Variants in OSBPL10 observed in about 807,000 individuals in gnomAD.
OSBPL10 encodes the protein oxysterol-binding protein-related protein 10.
A neutral mutation model predicts 81.7 loss-of-function variants in OSBPL10; 49 were observed. That is an observed-to-expected ratio of 0.60 (90% CI 0.48 to 0.76). The LOEUF (loss-of-function observed/expected upper bound fraction) is 0.76. Among genes scored for constraint, OSBPL10 ranks in the 30% least tolerant of loss-of-function variants. The probability of loss-of-function intolerance (pLI) is 0.00; values close to 1 mark genes in which losing one functional copy is unlikely to be tolerated. For synonymous variants in OSBPL10, 419 were observed against 383.6 expected, an observed-to-expected ratio of 1.09 and a Z score of -1.08; for missense variants, 923 against 987.8, an observed-to-expected ratio of 0.93 and a Z score of 0.88.
upstream of OSBPL10, among the ~76,000 whole-genome samples, chr3:31,984,897 A>C (rs1196530691): frequency 6.6e-6 from 1 of 152,108 alleles, no homozygotes; most frequent in African/African-American, 2.4e-5. Flanking sequence ...GCTATGTCGA[A>C]TTTTTTTTAC....
chr3:31,956,709 C>T (rs1698018788), intron 1 of OSBPL10, among the ~76,000 whole-genome samples: 1 of 151,422 alleles, frequency 6.6e-6, no homozygotes, highest in Non-Finnish European at 1.5e-5. Flanking sequence ...ACCTGGGCGA[C>T]AAGAGCGAAA....
At chr3:31,911,630 A>T (rs1294781487) in intron 1 of OSBPL10, among the ~76,000 whole-genome samples, 1 of 152,134 alleles carries the variant, frequency 6.6e-6, no homozygotes, top group Non-Finnish European at 1.5e-5. Context: ...AAATCTCAAA[A>T]AAAAAAAAAC....
intron 3 of OSBPL10, among the ~76,000 whole-genome samples, chr3:31,875,033 C>A (rs1197900341): frequency 1.6e-5 from 2 of 127,540 alleles, no homozygotes; most frequent in African/African-American, 6.1e-5. Context: ...AAAAGGAGTG[C>A]AAGTAAATCC....
chr3:31,940,204 A>C (rs1489515068), intron 1 of OSBPL10, among the ~76,000 whole-genome samples: 1 of 152,242 alleles, frequency 6.6e-6, no homozygotes, highest in African/African-American at 2.4e-5. Context: ...GTATAAGCAA[A>C]CTGGGTGAAC....
intron 2 of OSBPL10, among the ~76,000 whole-genome samples, chr3:32,040,013 A>G (rs559810518): frequency 7.9e-5 from 12 of 152,348 alleles, no homozygotes; most frequent in Admixed American, 7.2e-4. Flanking sequence ...TTTGTGTTTT[A>G]AGGGCCTGAG....
At chr3:31,848,069 G>A (rs756205257) in intron 3 of OSBPL10, among the ~76,000 whole-genome samples, 1 of 152,106 alleles carries the variant, frequency 6.6e-6, no homozygotes, top group Non-Finnish European at 1.5e-5. Context: ...CCTGGGAAAG[G>A]CAAAGTCACA....
At chr3:31,998,020 T>C (rs1296162337) in intron 2 of OSBPL10, among the ~76,000 whole-genome samples, 1 of 152,090 alleles carries the variant, frequency 6.6e-6, no homozygotes, top group Non-Finnish European at 1.5e-5. Context: ...CTCAGACTCC[T>C]GAGCTCAAGC....
At chr3:32,034,713 A>ATGTCAGTCAAGATATTG (rs1327351296) in intron 2 of OSBPL10, among the ~76,000 whole-genome samples, 1 of 152,196 alleles carries the variant, frequency 6.6e-6, no homozygotes, top group Non-Finnish European at 1.5e-5. Context: ...CAGTGAGTCA[A>ATGTCAGTCAAGATATTG]TGTCAGTCAA....
chr3:31,901,417 C>T lies in OSBPL10; in HGVS notation c.282-21587G>A, dbSNP rs148556348. 2.6e-3 allele frequency among the ~76,000 whole-genome samples: 395 copies of T among 152,342 alleles called. 6 individuals carry two copies. The highest frequency in any genetic ancestry group is 8.9e-3 in the African/African-American group (372 of 41,574). On this transcript the variant is annotated intron_variant, in intron 1 of 11. Transcript: ENST00000396556. ...AGTGGCCATCTTCCCAATGCCCCCA[C>T]TTTCCTGCCTCAGAACACTCACCTA... is the stretch of plus-strand genomic sequence containing the variant.
At chr3:31,981,612 T>C (rs570377645), upstream of OSBPL10, among the ~76,000 whole-genome samples, 13 of 152,110 alleles carry the variant, frequency 8.5e-5, no homozygotes, top group South Asian at 2.7e-3. This position sits in a 1 kb window ranked among gnomAD's most constrained non-coding sequence, Gnocchi z 4.5. Flanking sequence ...TGCCACCCTC[T>C]CTTGGATCCG....
intron 4 of OSBPL10, among the ~76,000 whole-genome samples, chr3:31,827,682 G>GT (rs1164972479): frequency 6.6e-6 from 1 of 151,678 alleles, no homozygotes; most frequent in Non-Finnish European, 1.5e-5. Context: ...AGATTTTTAC[G>GT]TATCTACATC....
At chr3:31,734,518 G>C (rs1460767520) in intron 5 of OSBPL10, among the ~76,000 whole-genome samples, 1 of 152,034 alleles carries the variant, frequency 6.6e-6, no homozygotes, top group Non-Finnish European at 1.5e-5. Context: ...CAGAAGGATC[G>C]CTTGAGCCCA....
At chr3:32,028,894 T>A (rs900026115) in intron 2 of OSBPL10, among the ~76,000 whole-genome samples, 2 of 136,988 alleles carry the variant, frequency 1.5e-5, no homozygotes, top group Non-Finnish European at 3.1e-5. Flanking sequence ...AAACATCTAC[T>A]TACAGATATT....
rs76924205 is a variant in OSBPL10 at position 31,887,484 on chromosome 3, T to G, written c.282-7654A>C. Among the ~76,000 whole-genome samples the G allele has an allele frequency of 4.8e-3, 737 of 152,254 alleles. 36 individuals carry two copies. The East Asian group carries it at 0.11, about 23-fold the overall frequency. On this transcript the variant is annotated intron_variant, in intron 1 of 11. Transcript: ENST00000396556. ...AGCTACCAGTGTCACATAGGAGGTA[T>G]CTACACATCTCCAGGTGGGGCTGTA...
At chr3:31,963,922 C>T (rs1209855365) in intron 1 of OSBPL10, among the ~76,000 whole-genome samples, 1 of 151,960 alleles carries the variant, frequency 6.6e-6, no homozygotes, top group Non-Finnish European at 1.5e-5. Flanking sequence ...TAATGACATG[C>T]ATGACCACAC....
chr3:32,075,549 T>C (rs896109073), intron 1 of OSBPL10, among the ~76,000 whole-genome samples: 11 of 152,204 alleles, frequency 7.2e-5, no homozygotes, highest in African/African-American at 2.7e-4. Context: ...TAATTCTATA[T>C]GACAAATCCT....
chr3:31,875,174 T>C (rs1192186641), intron 3 of OSBPL10, among the ~76,000 whole-genome samples: 2 of 150,658 alleles, frequency 1.3e-5, no homozygotes, highest in African/African-American at 2.4e-5. Context: ...TATATATACA[T>C]ACACATACCA....
chr3:31,800,907 T>C (rs1047002426), intron 4 of OSBPL10, among the ~76,000 whole-genome samples: 1 of 152,216 alleles, frequency 6.6e-6, no homozygotes, highest in Admixed American at 6.5e-5. Flanking sequence ...AAATAGGGAC[T>C]GTGTTTCAGG....
chr3:31,740,581 T>A (rs1697310264), intron 5 of OSBPL10, among the ~76,000 whole-genome samples: 1 of 151,826 alleles, frequency 6.6e-6, no homozygotes, highest in African/African-American at 2.4e-5. Flanking sequence ...ATCATCCCTT[T>A]GAGGACTACC....
Sources: allele counts gnomAD v4.1 joint callset (sites outside exome capture counted in the v4.1 genomes callset), GRCh38; gene constraint gnomAD v4.1.1; non-coding constraint Gnocchi (gnomAD v3.1); transcripts MANE v1.5; gene names NCBI Gene and HGNC (gene_info 2026-07-23, HGNC 2026-07-21).